Variants in ANO7 observed in about 807,000 individuals in gnomAD.
ANO7 encodes anoctamin 7, also known as anoctamin-7.
ANO7 carries 114 observed loss-of-function variants against 115.8 expected under a neutral mutation model. The observed-to-expected ratio is 0.98, with a 90% CI of 0.85 to 1.15. The LOEUF (loss-of-function observed/expected upper bound fraction) is 1.15, where lower values mean the gene tolerates loss of function less well. Among genes scored for constraint, ANO7 ranks in the 50% most tolerant of loss-of-function variants. ANO7 has a pLI of 0.00. For synonymous variants in ANO7, 550 were observed against 498.2 expected, an observed-to-expected ratio of 1.10 and a Z score of -1.38; for missense variants, 1,302 against 1,201.2, an observed-to-expected ratio of 1.08 and a Z score of -1.24.
intron 9 of ANO7, 21 bp from the exon 10 acceptor site, chr2:241,204,844 C>T: frequency 6.2e-7 from 1 of 1,602,884 alleles, no homozygotes; most frequent in Non-Finnish European, 8.5e-7. Context: ...TGATGGTGGA[C>T]CCCTGCCATC....
At chr2:241,216,512 C>T (rs982235833) in intron 19 of ANO7, among the ~76,000 whole-genome samples, 10 of 152,230 alleles carry the variant, frequency 6.6e-5, no homozygotes, top group Non-Finnish European at 1.5e-5. Context: ...CCTGGGGTCC[C>T]TGGACCTAGA....
chr2:241,195,582 G>A (rs1195632160), intron 3 of ANO7, 121 bp from the exon 4 acceptor site: 9 of 925,002 alleles, frequency 9.7e-6, no homozygotes, highest in South Asian at 1.6e-5. Flanking sequence ...GGAAGGAACC[G>A]GCCCTGAGTG....
At position 241,207,678 on chromosome 2, in the gene ANO7, A is replaced by G; in HGVS notation, c.1077+8A>G. 1.2e-6 allele frequency: 2 copies of G among 1,613,118 alleles called. No individual in the cohort carries two copies. The highest frequency in any genetic ancestry group is 1.7e-6 in the Non-Finnish European group (2 of 1,179,776). On this transcript the variant is annotated splice_region_variant and intron_variant, in intron 11 of 24. Transcript: ENST00000674324. ...GCCTGTGCCCTGGCCCAGGTACGAG[A>G]AGAGGTGGGTGGGGTAAGGGATTTG...
chr2:241,190,773 C>T (rs1056435167), intron 2 of ANO7, among the ~76,000 whole-genome samples: 8 of 152,356 alleles, frequency 5.3e-5, no homozygotes, highest in Non-Finnish European at 7.4e-5. Context: ...TCCAGACACT[C>T]TCGGTCGCCA....
At position 241,210,250 on chromosome 2, in the gene ANO7, C is replaced by G. The variant is rs780489265; in HGVS notation, c.1360-45C>G. On this transcript the variant is annotated intron_variant, in intron 13 of 24. Transcript: ENST00000674324. ...GCCATGGCCTGAGGGTGCTGGGGTG[C>G]CCAAGACACCGTGAAGGGTCTCACG... 7 of 1,595,242 alleles carry G rather than the reference C, an allele frequency of 4.4e-6. No individual in the cohort carries two copies. The African/African-American group carries it at 9.4e-5, about 21-fold the overall frequency.
intron 4 of ANO7, among the ~76,000 whole-genome samples, chr2:241,198,170 T>G (rs2068388049): frequency 6.6e-6 from 1 of 152,136 alleles, no homozygotes; most frequent in African/African-American, 2.4e-5. Flanking sequence ...CACCTTCTCA[T>G]TCCCACGTTG....
intron 19 of ANO7, among the ~76,000 whole-genome samples, chr2:241,216,442 G>A (rs1200892523): frequency 6.6e-6 from 1 of 152,264 alleles, no homozygotes; most frequent in East Asian, 1.9e-4. Flanking sequence ...CAAGAGGGTT[G>A]GCTGAGGACA....
chr2:241,195,873 C>G (rs760486492), intron 4 of ANO7, 28 bp downstream of exon 4: 2 of 1,614,138 alleles, frequency 1.2e-6, no homozygotes, highest in African/African-American at 1.3e-5. Flanking sequence ...TGGGCAGGGC[C>G]CTAGGCCCTG....
chr2:241,212,871 G>A (rs558719631), intron 17 of ANO7: 39 of 498,338 alleles, frequency 7.8e-5, no homozygotes, highest in Non-Finnish European at 1.4e-4. Context: ...AGTGGCTCAC[G>A]CCTGTAATCT....
chr2:241,201,389 C>T (rs975162259), intron 7 of ANO7, 34 bp downstream of exon 7: 1 of 1,602,262 alleles, frequency 6.2e-7, no homozygotes, highest in Non-Finnish European at 8.5e-7. Flanking sequence ...GGCCCCAAAC[C>T]CTGACCTGGC....
intron 9 of ANO7, among the ~76,000 whole-genome samples, chr2:241,204,441 GGGGA>G (rs2068544011): frequency 6.6e-6 from 1 of 151,490 alleles, no homozygotes; most frequent in Non-Finnish European, 1.5e-5. Context: ...GTTGGGTGGT[GGGGA>G]GGGAGGTACC....
At chr2:241,232,703 AC>A in the ANO7 span, among the ~76,000 whole-genome samples, 1 of 152,122 alleles carries the variant, frequency 6.6e-6, no homozygotes, top group Admixed American at 6.5e-5. Flanking sequence ...AGTCCCAGCT[AC>A]TTGGGAGGTT....
rs1056323459 is a variant in ANO7 at position 241,224,326 on chromosome 2, C to A, written c.*173C>A. The A allele has an allele frequency of 2.9e-6, 2 of 683,428 alleles. No homozygotes were observed. The highest frequency in any genetic ancestry group is 1.8e-5 in the African/African-American group (1 of 55,386). The allele number at this position is 683,428 out of a possible 1,614,324, so 42.3% of individuals were successfully genotyped here. ...CCAGCGCCGGCTTCTCTCCTCAGAG[C>A]GCCTGTCACTCCATCCCCGGCAGGG... On this transcript the variant is annotated 3_prime_UTR_variant, in exon 25 of 25. Coordinates refer to ENST00000674324, the MANE Select transcript of ANO7 (RefSeq NM_001370694.2).
chr2:241,207,524 G>A, intron 10 of ANO7, 50 bp from the exon 11 acceptor site: 5 of 1,532,122 alleles, frequency 3.3e-6, no homozygotes, highest in Non-Finnish European at 3.6e-6. Context: ...GGAGGAGCAA[G>A]CAGCCCCCCT....
intron 4 of ANO7, among the ~76,000 whole-genome samples, chr2:241,197,957 C>T (rs10194929): frequency 6.6e-6 from 1 of 152,116 alleles, no homozygotes; most frequent in Non-Finnish European, 1.5e-5. Flanking sequence ...GGCCTCACCT[C>T]CCTCTTCCTT....
chr2:241,204,027 T>A (rs1221635172), intron 9 of ANO7, among the ~76,000 whole-genome samples: 1 of 152,046 alleles, frequency 6.6e-6, no homozygotes, highest in African/African-American at 2.4e-5. Flanking sequence ...CCCTTTCTCA[T>A]CCGCACACAC....
At chr2:241,240,256 AC>A in the ANO7 span, 1 of 821,576 alleles carries the variant, frequency 1.2e-6, no homozygotes. This position sits in a 1 kb window ranked among gnomAD's most constrained non-coding sequence, Gnocchi z 5.5. Context: ...TTGCACCAAT[AC>A]CCCCAAAATG....
chr2:241,229,645 C>T (rs1482451170), downstream of ANO7: 4 of 1,614,130 alleles, frequency 2.5e-6, no homozygotes, highest in Admixed American at 3.3e-5. Flanking sequence ...GCCACCTGAG[C>T]CCCAAAGCTG....
chr2:241,199,789 C>T (rs567209029), intron 5 of ANO7, among the ~76,000 whole-genome samples: 40 of 152,348 alleles, frequency 2.6e-4, no homozygotes, highest in African/African-American at 6.7e-4. Context: ...CGCCTCCCAC[C>T]GCACTGGCTG....
Sources: gnomAD v4.1 joint callset for allele counts (sites outside exome capture counted in the v4.1 genomes callset) on GRCh38, gnomAD v4.1.1 for gene constraint, Gnocchi (gnomAD v3.1) non-coding constraint, MANE v1.5 for transcripts, NCBI Gene and HGNC (gene_info 2026-07-23, HGNC 2026-07-21) for gene names.